FBXW4: variants seen among roughly 807,000 people sequenced by gnomAD.
FBXW4 encodes the protein F-box and WD repeat domain containing 4.
In FBXW4, 40 loss-of-function variants were observed where a neutral mutation model predicts 61.8. The observed-to-expected ratio is 0.65, with a 90% CI of 0.50 to 0.84. The LOEUF (loss-of-function observed/expected upper bound fraction) is 0.84, where lower values mean the gene tolerates loss of function less well. Among genes scored for constraint, FBXW4 ranks in the 40% least tolerant of loss-of-function variants. The probability of loss-of-function intolerance (pLI) is 0.00; values close to 1 mark genes in which losing one functional copy is unlikely to be tolerated. For synonymous variants in FBXW4, 311 were observed against 313.8 expected, an observed-to-expected ratio of 0.99 and a Z score of 0.10; for missense variants, 672 against 753.8, an observed-to-expected ratio of 0.89 and a Z score of 1.27.
intron 5 of FBXW4, among the ~76,000 whole-genome samples, chr10:101,653,429 T>A (rs1361922705): frequency 6.6e-6 from 1 of 152,118 alleles, no homozygotes; most frequent in Non-Finnish European, 1.5e-5. Context: ...GACTCCAAAT[T>A]TCCCCTCCAG....
chr10:101,617,758 G>A (rs1349488729), intron 6 of FBXW4, among the ~76,000 whole-genome samples: 2 of 152,134 alleles, frequency 1.3e-5, no homozygotes, highest in African/African-American at 4.8e-5. Flanking sequence ...GAAGTGAAAC[G>A]CAAAGTATCA....
intron 5 of FBXW4, among the ~76,000 whole-genome samples, chr10:101,651,845 C>T (rs1035687835): frequency 1.3e-5 from 2 of 152,106 alleles, no homozygotes; most frequent in South Asian, 2.1e-4. Context: ...CAAGGAAAAT[C>T]GGCTGGCCCA....
At chr10:101,637,845 C>T (rs2064017899) in intron 5 of FBXW4, among the ~76,000 whole-genome samples, 2 of 152,024 alleles carry the variant, frequency 1.3e-5, no homozygotes, top group African/African-American at 4.8e-5. Context: ...ATGATTTGAC[C>T]CCAGCCGTGT....
intron 5 of FBXW4, among the ~76,000 whole-genome samples, chr10:101,639,050 G>C (rs931916829): frequency 6.6e-6 from 1 of 152,208 alleles, no homozygotes; most frequent in African/African-American, 2.4e-5. Context: ...ATTTGTAGAG[G>C]AGTGCCAGCA....
chr10:101,618,353 G>A (rs574305474), intron 6 of FBXW4, among the ~76,000 whole-genome samples: 11 of 152,326 alleles, frequency 7.2e-5, no homozygotes, highest in African/African-American at 2.2e-4. Context: ...GGAGAGCTTC[G>A]TGGTGGAGGT....
At chr10:101,618,637 C>A (rs1028228829) in intron 6 of FBXW4, among the ~76,000 whole-genome samples, 1 of 152,092 alleles carries the variant, frequency 6.6e-6, no homozygotes, top group Non-Finnish European at 1.5e-5. Flanking sequence ...ACACACAGGG[C>A]AGCACAGGAC....
At chr10:101,617,249 A>G (rs1276333427) in intron 6 of FBXW4, among the ~76,000 whole-genome samples, 2 of 152,080 alleles carry the variant, frequency 1.3e-5, no homozygotes, top group African/African-American at 4.8e-5. Context: ...GCACCTAGTA[A>G]ATCTTAGATC....
chr10:101,660,178 C>T, intron 5 of FBXW4: 2 of 985,390 alleles, frequency 2.0e-6, no homozygotes, highest in Non-Finnish European at 2.4e-6. Flanking sequence ...TACACAGCAC[C>T]TTCATTTGAG....
intron 1 of FBXW4, among the ~76,000 whole-genome samples, chr10:101,692,072 T>C (rs1430633122): frequency 6.6e-6 from 1 of 151,742 alleles, no homozygotes; most frequent in Non-Finnish European, 1.5e-5. Context: ...CAAAAGTCCT[T>C]GAAAAAGTAC....
At chr10:101,624,988 G>A (rs2063896550) in intron 5 of FBXW4, 178 bp from the exon 6 acceptor site, 1 of 694,058 alleles carries the variant, frequency 1.4e-6, no homozygotes, top group Non-Finnish European at 2.5e-6. Flanking sequence ...AGCACTGTGA[G>A]GGGTGTAGCC....
rs557504107 is a variant in FBXW4, at chr10:101,661,174, T to C, written c.1235+6712A>G. ...CTGCAGGAGCCTCTGCTTCTACTTGTAGGGTTTCATGTAAGTCGGCTCTTG... is the reference window on the plus strand; with the variant it reads ...CTGCAGGAGCCTCTGCTTCTACTTGCAGGGTTTCATGTAAGTCGGCTCTTG... On this transcript the variant is annotated intron_variant, in intron 5 of 8. Transcript: ENST00000331272. 1.2e-3 allele frequency among the ~76,000 whole-genome samples: 183 copies of C among 152,308 alleles called. 5 individuals are homozygous for C. Among genetic ancestry groups the C allele is most frequent in the South Asian group, 3.7e-3 (18 of 4,826 alleles).
At chr10:101,639,864 T>C (rs954606730) in intron 5 of FBXW4, among the ~76,000 whole-genome samples, 1 of 152,246 alleles carries the variant, frequency 6.6e-6, no homozygotes, top group Non-Finnish European at 1.5e-5. Context: ...CAGTTCTGCC[T>C]TTGGCTTGGT....
Position 101,687,378 on chromosome 10 carries a change from A to G in FBXW4, c.725+7003T>C, listed in dbSNP as rs1467463425. 2.6e-5 allele frequency among the ~76,000 whole-genome samples: 4 copies of G among 152,314 alleles called. No individual in the cohort carries two copies. The East Asian group carries it at 5.8e-4, about 22-fold the overall frequency. ...CTTCCAACCCACACAGCCAGTGAGC[A>G]TAAGACTTCTCTTTCTCTACTTTCT... On this transcript the variant is annotated intron_variant, in intron 1 of 8. Transcript: ENST00000331272.
At chr10:101,663,684 GC>G (rs2064267185) in intron 5 of FBXW4, among the ~76,000 whole-genome samples, 1 of 151,230 alleles carries the variant, frequency 6.6e-6, no homozygotes, top group Admixed American at 6.6e-5. Context: ...TTGGGAAGTT[GC>G]TCAGAATTCC....
chr10:101,672,851 A>T, intron 4 of FBXW4, 64 bp downstream of exon 4: 2 of 1,571,352 alleles, frequency 1.3e-6, no homozygotes, highest in African/African-American at 2.7e-5. Flanking sequence ...AGACTCAGGG[A>T]TCTATCCACC....
Position 101,694,357 on chromosome 10 carries a change from G to T in FBXW4, c.725+24C>A. On this transcript the variant is annotated intron_variant, in intron 1 of 8. Coordinates refer to ENST00000331272, the MANE Select transcript of FBXW4 (RefSeq NM_022039.4). This position sits in a 1 kb window ranked among gnomAD's most constrained non-coding sequence, Gnocchi z 6.0. ...ACGCGGGGCCGGCTCGGGGCGGGGA[G>T]CGGGCGGGCGAGCGGACGCTTACAG... 1 of 1,354,356 alleles carries T rather than the reference G, an allele frequency of 7.4e-7. No individual in the cohort carries two copies. The highest frequency in any genetic ancestry group is 9.4e-7 in the Non-Finnish European group (1 of 1,060,922). 83.9% of individuals were successfully genotyped at this position (1,354,356 alleles called of 1,614,324 possible).
intron 6 of FBXW4, among the ~76,000 whole-genome samples, chr10:101,613,649 CCTCA>C (rs2134798306): frequency 6.6e-6 from 1 of 152,348 alleles, no homozygotes; most frequent in South Asian, 2.1e-4. Context: ...CGTCCTTCCA[CCTCA>C]CTGAGACCCT....
intron 5 of FBXW4, among the ~76,000 whole-genome samples, chr10:101,637,100 T>C (rs1168762353): frequency 2.0e-5 from 3 of 151,866 alleles, no homozygotes; most frequent in East Asian, 1.9e-4. Context: ...AAAGCCACCA[T>C]GGGCCGGGCA....
intron 1 of FBXW4, among the ~76,000 whole-genome samples, chr10:101,680,541 G>C (rs1450561608): frequency 2.0e-5 from 3 of 152,244 alleles, no homozygotes; most frequent in African/African-American, 4.8e-5. Context: ...GTCCAACAGA[G>C]GATAAGGACA....
Sources: allele counts gnomAD v4.1 joint callset (sites outside exome capture counted in the v4.1 genomes callset), GRCh38; gene constraint gnomAD v4.1.1; non-coding constraint Gnocchi (gnomAD v3.1); transcripts MANE v1.5; gene names NCBI Gene and HGNC (gene_info 2026-07-23, HGNC 2026-07-21).